ANKRD30A: variants seen among roughly 807,000 people sequenced by gnomAD.
ANKRD30A encodes the protein ankyrin repeat domain-containing protein 30A.
Under a neutral mutation model 166.3 loss-of-function variants are expected in ANKRD30A, and 170 were observed. The ratio of observed to expected loss-of-function variants is 1.02; its 90% CI spans 0.90 to 1.16. The LOEUF is 1.16. Among genes scored for constraint, ANKRD30A ranks in the 50% most tolerant of loss-of-function variants. ANKRD30A has a pLI of 0.00. For synonymous variants in ANKRD30A, 564 were observed against 508.9 expected (o/e 1.11, Z -1.46); for missense variants, 1,630 against 1,518.0 (o/e 1.07, Z -1.23).
At chr10:37,259,743 A>C in the ANKRD30A span, among the ~76,000 whole-genome samples, 4 of 152,324 alleles carry the variant, frequency 2.6e-5, no homozygotes, top group East Asian at 1.9e-4. Context: ...AAACCAAAAA[A>C]TACACATGTT....
intron 15 of ANKRD30A, among the ~76,000 whole-genome samples, chr10:37,159,868 G>C (rs1446464670): frequency 6.6e-6 from 1 of 152,046 alleles, no homozygotes; most frequent in Non-Finnish European, 1.5e-5. Context: ...CTAATGTTTT[G>C]TGTTTTTAGT....
the ANKRD30A span, among the ~76,000 whole-genome samples, chr10:37,243,633 A>G: frequency 6.6e-6 from 1 of 152,136 alleles, no homozygotes; most frequent in Admixed American, 6.5e-5. Context: ...AGCTTAAGTG[A>G]AAGACGTATA....
Position 37,199,762 on chromosome 10 carries a change from G to T in ANKRD30A, c.2752G>T (p.Val918Phe). The T allele has an allele frequency of 1.3e-6, 2 of 1,572,766 alleles. No homozygotes were observed. The highest frequency in any genetic ancestry group is 8.7e-7 in the Non-Finnish European group (1 of 1,152,194). ...MFPSESKQKK[V>F]EENSWDSESL... ...CCCTTCAGAATCAAAACAAAAGAAG[G>T]TTGAAGAAAATTCTTGGGATTCTGA... Residue 918 changes from valine to phenylalanine, a missense_variant, in exon 30 of 36, where the codon GTT (valine) becomes TTT (phenylalanine). Physicochemically the swap from Val to Phe is conservative, Grantham distance 50. Coordinates refer to ENST00000361713, the MANE Select transcript of ANKRD30A (RefSeq NM_052997.3).
chr10:37,163,059 A>G (rs753538206), intron 17 of ANKRD30A, among the ~76,000 whole-genome samples: 1 of 152,036 alleles, frequency 6.6e-6, no homozygotes, highest in Non-Finnish European at 1.5e-5. Context: ...TTAATCTCAG[A>G]TGTTTCTACT....
chr10:37,198,079 T>C (rs1841299227), intron 29 of ANKRD30A, among the ~76,000 whole-genome samples: 2 of 152,144 alleles, frequency 1.3e-5, no homozygotes, highest in Non-Finnish European at 2.9e-5. Flanking sequence ...CACTTTTTCA[T>C]GAAACTGTGA....
chr10:37,242,052 T>G, the ANKRD30A span: 1 of 152,196 alleles, frequency 6.6e-6, no homozygotes, highest in African/African-American at 2.4e-5. Flanking sequence ...CTTGGTAAGT[T>G]TTATTACTTG....
intron 24 of ANKRD30A, among the ~76,000 whole-genome samples, chr10:37,179,528 A>C (rs1381973622): frequency 1.3e-5 from 2 of 150,872 alleles, no homozygotes; most frequent in Non-Finnish European, 3.0e-5. Flanking sequence ...GTATATGGGT[A>C]TGAAAATCAA....
intron 31 of ANKRD30A, among the ~76,000 whole-genome samples, chr10:37,213,884 C>T (rs1484409806): frequency 6.6e-6 from 1 of 151,502 alleles, no homozygotes; most frequent in East Asian, 1.9e-4. Context: ...TTAAATCCTT[C>T]TTAATCCTTT....
chr10:37,263,723 G>A, the ANKRD30A span, among the ~76,000 whole-genome samples: 10 of 152,036 alleles, frequency 6.6e-5, no homozygotes, highest in African/African-American at 4.8e-5. Flanking sequence ...CACCTGTTGC[G>A]CACCTCCTGC....
rs748801395 is a variant in ANKRD30A, at chr10:37,132,272, G to A, written c.543G>A (p.Thr181=). Residue 181 remains threonine (T), a synonymous_variant, in exon 4 of 36, where the codon ACG becomes ACA. Transcript: ENST00000361713. ...TCACACCACTTTTACTATCCATAAC[G>A]AAAAGAAGTGAGCAAATTGTGGAAT... ...ASLTPLLLSI[T]KRSEQIVEFL... is the part of the protein sequence containing the mutation. 1.6e-5 allele frequency: 26 copies of A among 1,604,850 alleles called. No individual in the cohort carries two copies. The highest frequency in any genetic ancestry group is 1.7e-4 in the Middle Eastern group (1 of 6,042).
intron 11 of ANKRD30A, among the ~76,000 whole-genome samples, chr10:37,150,207 A>C (rs1229387333): frequency 1.3e-5 from 2 of 152,030 alleles, no homozygotes; most frequent in South Asian, 2.1e-4. Context: ...TTCGGGGATC[A>C]CGTCTTTTAC....
At chr10:37,171,683 G>A (rs373398336) in intron 21 of ANKRD30A, among the ~76,000 whole-genome samples, 1 of 151,140 alleles carries the variant, frequency 6.6e-6, no homozygotes, top group African/African-American at 2.4e-5. Context: ...TTGCACCTCT[G>A]AGTCTTTTTT....
chr10:37,205,239 C>T (rs1254731507), intron 31 of ANKRD30A, among the ~76,000 whole-genome samples: 2 of 152,124 alleles, frequency 1.3e-5, no homozygotes, highest in African/African-American at 4.8e-5. Context: ...GAAAATGTGG[C>T]ACATATACAC....
the ANKRD30A span, among the ~76,000 whole-genome samples, chr10:37,259,125 A>G: frequency 3.4e-3 from 520 of 152,210 alleles, no homozygotes; most frequent in African/African-American, 0.012. Flanking sequence ...TTGTATTAAG[A>G]AAGTCATGAT....
intron 7 of ANKRD30A, among the ~76,000 whole-genome samples, chr10:37,142,615 C>T (rs1315944384): frequency 4.4e-5 from 5 of 113,244 alleles, no homozygotes; most frequent in Non-Finnish European, 6.6e-5. Flanking sequence ...GACAGAGTCT[C>T]GAACTGTCCC....
chr10:37,161,331 A>C (rs2132592113), intron 15 of ANKRD30A, among the ~76,000 whole-genome samples: 1 of 152,332 alleles, frequency 6.6e-6, no homozygotes, highest in Middle Eastern at 3.4e-3. Flanking sequence ...AAAAAGATAA[A>C]CAGAAATTAT....
chr10:37,198,170 T>G (rs1362995075), intron 29 of ANKRD30A, among the ~76,000 whole-genome samples: 1 of 152,158 alleles, frequency 6.6e-6, no homozygotes, highest in Non-Finnish European at 1.5e-5. Flanking sequence ...AAACTGTTTT[T>G]TAAAACTATT....
intron 31 of ANKRD30A, among the ~76,000 whole-genome samples, chr10:37,214,987 G>A (rs1257877243): frequency 1.3e-5 from 2 of 151,252 alleles, no homozygotes; most frequent in Admixed American, 6.6e-5. Flanking sequence ...TTTCCTGATG[G>A]CAAATCAATC....
chr10:37,201,908 A>G (rs935686108), intron 31 of ANKRD30A, among the ~76,000 whole-genome samples: 1 of 152,092 alleles, frequency 6.6e-6, no homozygotes, highest in African/African-American at 2.4e-5. Flanking sequence ...ACATGTATAT[A>G]ATTTGTCATA....
Sources: gnomAD v4.1 joint callset for allele counts (sites outside exome capture counted in the v4.1 genomes callset) on GRCh38, gnomAD v4.1.1 for gene constraint, MANE v1.5 for transcripts, NCBI Gene and HGNC (gene_info 2026-07-23, HGNC 2026-07-21) for gene names.